The following PJA2 variants were observed in gnomAD, a reference collection of about 807,000 sequenced individuals.
PJA2 encodes the protein praja ring finger ubiquitin ligase 2.
A neutral mutation model predicts 69.3 loss-of-function variants in PJA2; 25 were observed. The ratio of observed to expected loss-of-function variants is 0.36; its 90% CI spans 0.26 to 0.50. PJA2 has a LOEUF of 0.50. Ranked by LOEUF, PJA2 falls within the 20% of genes least tolerant of loss-of-function variation. The probability of loss-of-function intolerance (pLI) is 0.96; values close to 1 mark genes in which losing one functional copy is unlikely to be tolerated. For synonymous variants in PJA2, 308 were observed against 277.8 expected (o/e 1.11, Z -1.08); for missense variants, 809 against 830.2 (o/e 0.97, Z 0.31).
intron 9 of PJA2, among the ~76,000 whole-genome samples, chr5:109,338,353 T>A (rs751964340): frequency 6.6e-6 from 1 of 152,066 alleles, no homozygotes; most frequent in African/African-American, 2.4e-5. Flanking sequence ...TAAGAATCCA[T>A]TTCAGGCCAG....
chr5:109,377,490 A>G (rs1746919231), intron 4 of PJA2, among the ~76,000 whole-genome samples: 1 of 152,152 alleles, frequency 6.6e-6, no homozygotes, highest in South Asian at 2.1e-4. Context: ...GGTTTGTAAG[A>G]GCAATCAGAA....
chr5:109,369,798 T>G (rs1762644985), intron 4 of PJA2, among the ~76,000 whole-genome samples: 1 of 152,098 alleles, frequency 6.6e-6, no homozygotes, highest in African/African-American at 2.4e-5. Flanking sequence ...TTTGGGAGGC[T>G]GAGGTGGGCA....
chr5:109,351,275 A>G (rs1054343662), intron 7 of PJA2, among the ~76,000 whole-genome samples: 5 of 151,928 alleles, frequency 3.3e-5, no homozygotes, highest in African/African-American at 7.2e-5. Context: ...CCTTACATTC[A>G]TAAGATGAAA....
chr5:109,348,878 T>C (rs1457203708), intron 7 of PJA2, among the ~76,000 whole-genome samples: 1 of 152,232 alleles, frequency 6.6e-6, no homozygotes, highest in Admixed American at 6.5e-5. Context: ...GTGCTTGTTT[T>C]ATGTATCTGC....
At position 109,378,290 on chromosome 5, in the gene PJA2, T is replaced by A; in HGVS notation, c.1197A>T (p.Gly399=). ...CCACCTCTTGCCTTCCTGCTGTGGC[T>A]CCACTTTCTGATGTCATTTGGTTAT... The part of the protein sequence containing the change: ...TENNQMTSES[G]ATAGRQEVDN... The change falls in exon 4 of 10, where the codon GGA becomes GGT. Residue 399 remains glycine (G), a synonymous_variant. Coordinates refer to ENST00000361189, the MANE Select transcript of PJA2 (RefSeq NM_014819.5). 2 of 1,614,134 alleles carry A rather than the reference T, an allele frequency of 1.2e-6. No homozygotes were observed.
chr5:109,345,354 C>A (rs1368725299), intron 7 of PJA2, among the ~76,000 whole-genome samples: 3 of 143,614 alleles, frequency 2.1e-5, no homozygotes, highest in South Asian at 2.3e-4. Flanking sequence ...GAAACTCCAT[C>A]TCAAAAAAAA....
At chr5:109,399,210 C>CAAA (rs1251249257) in intron 1 of PJA2, among the ~76,000 whole-genome samples, 3 of 96,670 alleles carry the variant, frequency 3.1e-5, no homozygotes, top group East Asian at 3.0e-4. Flanking sequence ...AACTCTGTCT[C>CAAA]AAAAAAAAAA....
Position 109,363,068 on chromosome 5 carries a change from A to G in PJA2, c.1470-46T>C, listed in dbSNP as rs754498365. ...GAAGAAAAAAATATTATTTTAAAACATACCATAACACTGTCTTTAATTCTA... is the reference window on the plus strand; with the variant it reads ...GAAGAAAAAAATATTATTTTAAAACGTACCATAACACTGTCTTTAATTCTA... On this transcript the variant is annotated intron_variant, in intron 5 of 9. Coordinates refer to ENST00000361189, the MANE Select transcript of PJA2 (RefSeq NM_014819.5). The G allele has an allele frequency of 3.4e-6, 5 of 1,473,460 alleles. No homozygotes were observed. In the East Asian group the frequency reaches 6.9e-5, roughly 20 times the overall value. 91.3% of individuals were successfully genotyped at this position (1,473,460 alleles called of 1,614,324 possible).
At chr5:109,401,018 C>G (rs1415698307) in intron 1 of PJA2, among the ~76,000 whole-genome samples, 1 of 151,410 alleles carries the variant, frequency 6.6e-6, no homozygotes, top group Non-Finnish European at 1.5e-5. Flanking sequence ...ACAAAAAAAC[C>G]AAATGACACA....
chr5:109,380,157 G>A lies in PJA2; in HGVS notation c.233-903C>T, dbSNP rs1260731710. 1.0e-4 allele frequency among the ~76,000 whole-genome samples: 13 copies of A among 130,092 alleles called. No individual in the cohort carries two copies. The East Asian group carries it at 1.9e-3, about 19-fold the overall frequency. The allele number at this position is 130,092 out of a possible 152,430, so 85.3% of individuals were successfully genotyped here. On this transcript the variant is annotated intron_variant, in intron 3 of 9. Coordinates refer to ENST00000361189, the MANE Select transcript of PJA2 (RefSeq NM_014819.5). The stretch of plus-strand genomic sequence containing the variant: ...GGCCCAGGCTGGAGTGCAGTGGCAT[G>A]ATCTCGGCTCACTGCAAGCTCCGCC...
chr5:109,409,580 C>A lies in PJA2; in HGVS notation c.-88+262G>T, dbSNP rs561646655. The stretch of plus-strand genomic sequence containing the variant: ...CCCGATACCAACCAATGTCATCTGT[C>A]GGGGGGCGGCGGGCGCGACCGTCCC... On this transcript the variant is annotated intron_variant, in intron 1 of 9. Coordinates refer to ENST00000361189, the MANE Select transcript of PJA2 (RefSeq NM_014819.5). Among the ~76,000 whole-genome samples the A allele has an allele frequency of 2.6e-5, 4 of 152,160 alleles. No homozygotes were observed. The South Asian group carries it at 8.3e-4, about 32-fold the overall frequency.
intron 6 of PJA2, among the ~76,000 whole-genome samples, chr5:109,356,270 CA>C (rs1762411507): frequency 6.6e-6 from 1 of 152,082 alleles, no homozygotes; most frequent in Non-Finnish European, 1.5e-5. Flanking sequence ...ACTCAATGCA[CA>C]AAATTTGTAG....
intron 4 of PJA2, among the ~76,000 whole-genome samples, chr5:109,370,113 C>G (rs1350477078): frequency 6.7e-6 from 1 of 150,054 alleles, no homozygotes; most frequent in Non-Finnish European, 1.5e-5. Flanking sequence ...ATTAACTACT[C>G]TTAGTTTTTA....
At chr5:109,405,157 G>C (rs1747654297) in intron 1 of PJA2, among the ~76,000 whole-genome samples, 1 of 152,106 alleles carries the variant, frequency 6.6e-6, no homozygotes, top group Admixed American at 6.5e-5. Context: ...TGAATAACTG[G>C]AAACTAAAAT....
chr5:109,391,931 TCA>T (rs1260489138), intron 1 of PJA2, among the ~76,000 whole-genome samples: 2 of 152,178 alleles, frequency 1.3e-5, no homozygotes, highest in Non-Finnish European at 2.9e-5. Flanking sequence ...AGAATATTAC[TCA>T]CAGAAATTTT....
At chr5:109,352,278 T>A (rs889192666) in intron 7 of PJA2, among the ~76,000 whole-genome samples, 1 of 152,214 alleles carries the variant, frequency 6.6e-6, no homozygotes, top group East Asian at 1.9e-4. Context: ...AAATGTCACA[T>A]TCCCCACTAG....
chr5:109,349,949 C>T (rs1278899464), intron 7 of PJA2, among the ~76,000 whole-genome samples: 3 of 152,096 alleles, frequency 2.0e-5, no homozygotes, highest in African/African-American at 7.2e-5. Flanking sequence ...GAATCTCCTC[C>T]AATTCCCCAT....
intron 9 of PJA2, among the ~76,000 whole-genome samples, chr5:109,337,651 G>A (rs1457958861): frequency 1.3e-5 from 2 of 152,280 alleles, no homozygotes; most frequent in East Asian, 3.9e-4. Flanking sequence ...ACTCAGCAGT[G>A]ATGCAATGGC....
intron 9 of PJA2, among the ~76,000 whole-genome samples, chr5:109,340,788 T>C (rs1271965621): frequency 3.8e-5 from 4 of 104,470 alleles, no homozygotes; most frequent in Non-Finnish European, 2.3e-5. Flanking sequence ...GTGCCTGCGA[T>C]TGCAGGCTCG....
Sources: gnomAD v4.1 joint callset for allele counts (sites outside exome capture counted in the v4.1 genomes callset) on GRCh38, gnomAD v4.1.1 for gene constraint, MANE v1.5 for transcripts, NCBI Gene and HGNC (gene_info 2026-07-23, HGNC 2026-07-21) for gene names.